SLC34A3: variants seen among roughly 807,000 people sequenced by gnomAD.
SLC34A3 encodes solute carrier family 34 member 3.
In SLC34A3, 60 loss-of-function variants were observed where a neutral mutation model predicts 43.9. The ratio of observed to expected loss-of-function variants is 1.37; its 90% CI spans 1.11 to 1.70. SLC34A3 has a LOEUF of 1.70. Among genes scored for constraint, SLC34A3 ranks in the 40% most tolerant of loss-of-function variants. The probability of loss-of-function intolerance (pLI) is 0.00; values close to 1 mark genes in which losing one functional copy is unlikely to be tolerated. For missense variants in SLC34A3, 969 were observed against 823.8 expected, an observed-to-expected ratio of 1.18 and a Z score of -2.16; for synonymous variants, 451 against 386.2, an observed-to-expected ratio of 1.17 and a Z score of -1.97.
At chr9:137,233,779 T>TCTCC in intron 8 of SLC34A3, 57 bp downstream of exon 8, 3 of 1,445,796 alleles carry the variant, frequency 2.1e-6, no homozygotes, top group Admixed American at 1.8e-5. Flanking sequence ...TGCTGAGTCA[T>TCTCC]CCCGCCCCAC....
rs35643193 is a variant in SLC34A3 at position 137,233,094 on chromosome 9, G to C, written c.539G>C (p.Gly180Ala). ...TSTLVSMAQS[G>A]DRDEFQRAFS... Reference sequence around the variant, plus strand: ...ACCCTGGTCTCAATGGCGCAGTCAGGGGACCGGGATGAATTTCAGAGGTGA... The same window carrying C: ...ACCCTGGTCTCAATGGCGCAGTCAGCGGACCGGGATGAATTTCAGAGGTGA... The change falls in exon 6 of 13, where the codon GGG (glycine) becomes GCG (alanine). Residue 180 changes from glycine to alanine, a missense_variant. Physicochemically the swap from Gly to Ala is moderately conservative, Grantham distance 60 (BLOSUM62 0). Transcript: ENST00000673835. The C allele has an allele frequency of 0.016, 25,092 of 1,610,926 alleles. 242 individuals carry two copies. Among genetic ancestry groups the C allele is most frequent in the Middle Eastern group, 0.021 (101 of 4,782 alleles).
chr9:137,233,526 G>A, intron 7 of SLC34A3, 107 bp from the exon 8 acceptor site: 2 of 1,557,342 alleles, frequency 1.3e-6, no homozygotes, highest in African/African-American at 1.4e-5. Context: ...GACAGGGGAG[G>A]AGAGGGCAGC....
chr9:137,234,073 CA>C lies in SLC34A3; in HGVS notation c.926-35del, dbSNP rs1254053454. 13 of 1,501,958 alleles carry C rather than the reference CA, an allele frequency of 8.7e-6. No homozygotes were observed. Among genetic ancestry groups the C allele is most frequent in the Non-Finnish European group, 1.2e-5 (13 of 1,118,108 alleles). 93.0% of individuals were successfully genotyped at this position (1,501,958 alleles called of 1,614,324 possible). On this transcript the variant is annotated intron_variant, in intron 9 of 12. Coordinates refer to ENST00000673835, the MANE Select transcript of SLC34A3 (RefSeq NM_001177316.2). This position sits in a 1 kb window ranked among gnomAD's most constrained non-coding sequence, Gnocchi z 6.9. ...GCCCGGCCCACCCCGGCCCACCCCC[CA>C]GGCTCCCCCTCACCTGCCCCTGCCC...
intron 3 of SLC34A3, 90 bp downstream of exon 3, chr9:137,232,251 C>T: frequency 7.7e-7 from 1 of 1,293,974 alleles, no homozygotes; most frequent in South Asian, 1.2e-5. Context: ...CCTGCCCAAA[C>T]AGGCTGTGTG....
chr9:137,232,905 G>A lies in SLC34A3; in HGVS notation c.426G>A (p.Val142=), dbSNP rs777657049. 1.9e-6 allele frequency: 3 copies of A among 1,608,832 alleles called. No individual in the cohort carries two copies. The South Asian group carries it at 3.3e-5, about 18-fold the overall frequency. The part of the protein sequence containing the change: ...VQSSSTSSSI[V]VSMVAAKLLT... ...GTTCCAGCACGTCCTCCTCCATCGT[G>A]GTCAGCATGGTGGCTGCTAAGCGTG... Residue 142 remains valine, a synonymous_variant, in exon 5 of 13, where the codon GTG becomes GTA. Coordinates refer to ENST00000673835, the MANE Select transcript of SLC34A3 (RefSeq NM_001177316.2).
At position 137,236,218 on chromosome 9, in the gene SLC34A3, G is replaced by T; in HGVS notation, c.1602G>T (p.Leu534=). 6.3e-7 allele frequency: 1 copy of T among 1,576,046 alleles called. No homozygotes were observed. ...LVLLVILVTV[L]QRRRPAWLPV... is the part of the protein sequence containing the mutation. Reference sequence around the variant, plus strand: ...TCCTCGTCATCCTGGTTACTGTCCTGCAGCGGCGCCGGCCGGCCTGGCTGC... The same window carrying T: ...TCCTCGTCATCCTGGTTACTGTCCTTCAGCGGCGCCGGCCGGCCTGGCTGC... The change falls in exon 13 of 13, where the codon CTG becomes CTT. Residue 534 remains leucine (L), a synonymous_variant. Transcript: ENST00000673835.
At chr9:137,230,422 G>T (rs370637378), upstream of SLC34A3, among the ~76,000 whole-genome samples, 1 of 152,152 alleles carries the variant, frequency 6.6e-6, no homozygotes, top group East Asian at 1.9e-4. Context: ...GAAAAAGCCC[G>T]TCCTCCCCCA....
chr9:137,235,467 C>A (rs1457390205), intron 12 of SLC34A3, among the ~76,000 whole-genome samples: 1 of 152,158 alleles, frequency 6.6e-6, no homozygotes, highest in Non-Finnish European at 1.5e-5. Context: ...GGGTCCTGCT[C>A]CACCCCCTGC....
rs1836469539 is a variant in SLC34A3 at position 137,234,481 on chromosome 9, T to A, written c.1159T>A (p.Phe387Ile). 1 of 1,602,200 alleles carries A rather than the reference T, an allele frequency of 6.2e-7. No homozygotes were observed. Among genetic ancestry groups the A allele is most frequent in the East Asian group, 2.2e-5 (1 of 44,858 alleles). ...CGTCCTCGCGGGCGCCGGCCTGACC[T>A]TCGCACTGCAGAGCAGCAGCGTCTT... Reference protein sequence around the residue: ...LAVLAGAGLTFALQSSSVFTA... With the variant: ...LAVLAGAGLTIALQSSSVFTA... The change falls in exon 11 of 13, where the codon TTC (phenylalanine) becomes ATC (isoleucine). Residue 387 changes from phenylalanine to isoleucine, a missense_variant. By Grantham distance (21) the Phe-to-Ile change is conservative. Coordinates refer to ENST00000673835, the MANE Select transcript of SLC34A3 (RefSeq NM_001177316.2). This position sits in a 1 kb window ranked among gnomAD's most constrained non-coding sequence, Gnocchi z 6.9.
Position 137,234,787 on chromosome 9 carries a change from G to A in SLC34A3, c.1335+56G>A, listed in dbSNP as rs1836490422. On this transcript the variant is annotated intron_variant, in intron 12 of 12. Transcript: ENST00000673835. The surrounding 1 kb of genome is among the most constrained non-coding windows in gnomAD (Gnocchi z 6.9). ...TGGCCAGCTTCCTCTCAGCCCCACA[G>A]ACAGGAGTGTGTCACCAGCCCCGGG... The A allele has an allele frequency of 5.0e-6, 8 of 1,598,630 alleles. No individual in the cohort carries two copies. The highest frequency in any genetic ancestry group is 1.1e-5 in the South Asian group (1 of 90,954).
intron 12 of SLC34A3, among the ~76,000 whole-genome samples, chr9:137,235,191 C>A (rs1351614986): frequency 6.6e-6 from 1 of 152,092 alleles, no homozygotes; most frequent in South Asian, 2.1e-4. Flanking sequence ...GCTGCCAGGG[C>A]TGTGATTCTG....
chr9:137,231,418 G>A (rs998167469), intron 1 of SLC34A3, among the ~76,000 whole-genome samples: 2 of 152,200 alleles, frequency 1.3e-5, no homozygotes, highest in Non-Finnish European at 2.9e-5. Flanking sequence ...AGGGAGCCGG[G>A]GAGCTGGAGC....
Position 137,232,849 on chromosome 9 carries a change from A to T in SLC34A3, c.370A>T (p.Ile124Phe). 6.2e-7 allele frequency: 1 copy of T among 1,612,536 alleles called. No homozygotes were observed. Among genetic ancestry groups the T allele is most frequent in the Non-Finnish European group, 8.5e-7 (1 of 1,179,750 alleles). Reference sequence around the variant, plus strand: ...GTCCAACCCTGTGGCTGGACTGGTCATTGGCGTGCTGGTCACAGCCCTGGT... The same window carrying T: ...GTCCAACCCTGTGGCTGGACTGGTCTTTGGCGTGCTGGTCACAGCCCTGGT... ...VLSNPVAGLV[I>F]GVLVTALVQS... is the part of the protein sequence containing the mutation. The change falls in exon 5 of 13, where the codon ATT becomes TTT. Residue 124 changes from isoleucine (I) to phenylalanine (F), a missense_variant. Transcript: ENST00000673835.
rs368976516 is a variant in SLC34A3, at chr9:137,236,249, C to T, written c.1633C>T (p.Arg545Cys). ...GCGCCGGCCGGCCTGGCTGCCTGTC[C>T]GCCTGCGCTCCTGGGCCTGGCTCCC... ...QRRRPAWLPV[R>C]LRSWAWLPVW... Residue 545 changes from arginine (R) to cysteine (C), a missense_variant, in exon 13 of 13, where the codon CGC becomes TGC. Arg to Cys is a radical substitution (Grantham distance 180). Coordinates refer to ENST00000673835, the MANE Select transcript of SLC34A3 (RefSeq NM_001177316.2). 1.9e-5 allele frequency: 30 copies of T among 1,548,618 alleles called. No homozygotes were observed. The highest frequency in any genetic ancestry group is 1.5e-4 in the East Asian group (6 of 41,038).
chr9:137,233,175 C>T (rs776305201), intron 6 of SLC34A3, 34 bp from the exon 7 acceptor site: 3 of 1,558,808 alleles, frequency 1.9e-6, no homozygotes, highest in Non-Finnish European at 8.7e-7. Context: ...CCCGGGCCCC[C>T]CCACCTGACC....
chr9:137,233,779 T>TGGCCCCC, intron 8 of SLC34A3, 57 bp downstream of exon 8: 2 of 1,445,796 alleles, frequency 1.4e-6, no homozygotes, highest in Non-Finnish European at 1.9e-6. Context: ...TGCTGAGTCA[T>TGGCCCCC]CCCGCCCCAC....
At chr9:137,233,779 T>TGGCGCCCCCCCCCCCCCCCCCCCCCC in intron 8 of SLC34A3, 57 bp downstream of exon 8, 1 of 1,445,824 alleles carries the variant, frequency 6.9e-7, no homozygotes, top group Non-Finnish European at 9.6e-7. Flanking sequence ...TGCTGAGTCA[T>TGGCGCCCCCCCCCCCCCCCCCCCCCC]CCCGCCCCAC....
rs780975487 is a variant in SLC34A3, at chr9:137,234,765, C to A, written c.1335+34C>A. On this transcript the variant is annotated intron_variant, in intron 12 of 12. Transcript: ENST00000673835. This position sits in a 1 kb window ranked among gnomAD's most constrained non-coding sequence, Gnocchi z 6.9. ...CACCCTGCCCCGCTGCCAGAACTGG[C>A]CAGCTTCCTCTCAGCCCCACAGACA... 3.1e-6 allele frequency: 5 copies of A among 1,601,650 alleles called. No homozygotes were observed. Among genetic ancestry groups the A allele is most frequent in the Admixed American group, 1.7e-5 (1 of 59,992 alleles).
At chr9:137,233,779 T>TTTGGGGGCC in intron 8 of SLC34A3, 57 bp downstream of exon 8, 2 of 1,445,822 alleles carry the variant, frequency 1.4e-6, no homozygotes, top group Non-Finnish European at 1.9e-6. Context: ...TGCTGAGTCA[T>TTTGGGGGCC]CCCGCCCCAC....
Sources: gnomAD v4.1 joint callset for allele counts (sites outside exome capture counted in the v4.1 genomes callset) on GRCh38, gnomAD v4.1.1 for gene constraint, Gnocchi (gnomAD v3.1) non-coding constraint, MANE v1.5 for transcripts, NCBI Gene and HGNC (gene_info 2026-07-23, HGNC 2026-07-21) for gene names.